Variants in MYO3B observed in about 807,000 individuals in gnomAD.
MYO3B encodes the protein myosin IIIB, also known as myosin-IIIb.
MYO3B carries 156 observed loss-of-function variants against 174.6 expected under a neutral mutation model. The ratio of observed to expected loss-of-function variants is 0.89; its 90% confidence interval spans 0.78 to 1.02. MYO3B has a LOEUF of 1.02. Ranked by LOEUF, MYO3B falls within the 50% of genes least tolerant of loss-of-function variation. The pLI, the probability that MYO3B is intolerant of heterozygous loss-of-function variation, is 0.00. For missense variants in MYO3B, 1,632 were observed against 1,639.4 expected, an observed-to-expected ratio of 1.00 and a Z score of 0.08; for synonymous variants, 563 against 569.1, an observed-to-expected ratio of 0.99 and a Z score of 0.15.
intron 32 of MYO3B, among the ~76,000 whole-genome samples, chr2:170,587,275 C>T (rs966057989): frequency 6.6e-6 from 1 of 152,214 alleles, no homozygotes; most frequent in African/African-American, 2.4e-5. Flanking sequence ...GTTATGCCAG[C>T]AGCAGCCTCA....
chr2:170,597,363 A>G (rs1404975095), intron 32 of MYO3B, among the ~76,000 whole-genome samples: 3 of 145,722 alleles, frequency 2.1e-5, no homozygotes, highest in Non-Finnish European at 4.5e-5. Flanking sequence ...GGGAGACTCC[A>G]TCTCAAAAGA....
At chr2:170,484,750 G>T (rs187887966) in intron 25 of MYO3B, among the ~76,000 whole-genome samples, 1 of 152,292 alleles carries the variant, frequency 6.6e-6, no homozygotes, top group Non-Finnish European at 1.5e-5. Flanking sequence ...TTAGGCAGCA[G>T]ATGGTGGCCA....
At chr2:170,477,467 C>T (rs1216106509) in intron 25 of MYO3B, among the ~76,000 whole-genome samples, 3 of 151,848 alleles carry the variant, frequency 2.0e-5, no homozygotes, top group Admixed American at 6.6e-5. Flanking sequence ...TTTTTTTATC[C>T]CTAGCACTTC....
intron 22 of MYO3B, among the ~76,000 whole-genome samples, chr2:170,420,932 C>G (rs1378082136): frequency 1.3e-5 from 2 of 152,034 alleles, no homozygotes; most frequent in Non-Finnish European, 2.9e-5. Flanking sequence ...AAAACTCAGT[C>G]CTAGCATCAC....
chr2:170,392,863 G>GTTTTTT (rs5836273), intron 16 of MYO3B, among the ~76,000 whole-genome samples: 4 of 150,344 alleles, frequency 2.7e-5, no homozygotes, highest in African/African-American at 2.4e-5. Context: ...AATACTGTGG[G>GTTTTTT]TTTTTTTTCT....
At chr2:170,436,107 C>T (rs2094751528) in intron 22 of MYO3B, among the ~76,000 whole-genome samples, 1 of 152,188 alleles carries the variant, frequency 6.6e-6, no homozygotes, top group Non-Finnish European at 1.5e-5. Context: ...TCTCTTAACA[C>T]AGTTCCCACA....
In MYO3B at chr2:170,287,788, A is replaced by G. The variant is rs542410552; in HGVS notation, c.750-47597A>G. On this transcript the variant is annotated intron_variant, in intron 7 of 34. Coordinates refer to ENST00000408978, the MANE Select transcript of MYO3B (RefSeq NM_138995.5). ...TGCTTATGATGTCTTACATAAAAAA[A>G]AACTTTGCCCAGATTAATGTCCTAG... 2.6e-5 allele frequency among the ~76,000 whole-genome samples: 4 copies of G among 152,148 alleles called. No homozygotes were observed. In the East Asian group the frequency reaches 7.7e-4, roughly 29 times the overall value.
chr2:170,232,134 CT>C (rs773220426), intron 6 of MYO3B, among the ~76,000 whole-genome samples: 7 of 152,182 alleles, frequency 4.6e-5, no homozygotes, highest in Non-Finnish European at 7.3e-5. Flanking sequence ...TCAGAGAGTT[CT>C]TTTTGAGGTC....
At position 170,199,337 on chromosome 2, in the gene MYO3B, A is replaced by G. The variant is rs769182956; in HGVS notation, c.132A>G (p.Val44=). The part of the protein sequence containing the change: ...GKGTYGKVYK[V]TNKRDGSLAA... ...GCACCTATGGCAAAGTCTACAAGGT[A>G]ACTAACAAGAGAGATGGGAGCCTGG... is the stretch of plus-strand genomic sequence containing the variant. Residue 44 remains valine (V), a synonymous_variant, in exon 2 of 35, where the codon GTA becomes GTG. Transcript: ENST00000408978. 8 of 1,613,344 alleles carry G rather than the reference A, an allele frequency of 5.0e-6. No homozygotes were observed. The highest frequency in any genetic ancestry group is 6.8e-6 in the Non-Finnish European group (8 of 1,179,578).
At chr2:170,432,688 T>C (rs1013414300) in intron 22 of MYO3B, among the ~76,000 whole-genome samples, 1 of 151,964 alleles carries the variant, frequency 6.6e-6, no homozygotes, top group Non-Finnish European at 1.5e-5. Flanking sequence ...ACCATTCTCC[T>C]GCGTCAGCCT....
At chr2:170,305,284 A>G (rs558771533) in intron 7 of MYO3B, among the ~76,000 whole-genome samples, 1 of 152,164 alleles carries the variant, frequency 6.6e-6, no homozygotes, top group South Asian at 2.1e-4. Flanking sequence ...ACACATAGAT[A>G]TGCTTCTCTA....
Position 170,186,300 on chromosome 2 carries a change from T to C in MYO3B, c.2+8011T>C, listed in dbSNP as rs192760520. Among the ~76,000 whole-genome samples, 5 of 124,474 alleles carry C rather than the reference T, an allele frequency of 4.0e-5. No individual in the cohort carries two copies. In the East Asian group the frequency reaches 1.4e-3, roughly 34 times the overall value. The allele number at this position is 124,474 out of a possible 152,430, so 81.7% of individuals were successfully genotyped here. ...ATTGTATTGGGGTATGTTCCTTCTA[T>C]ACCCAGTTTTTTTTAGGGTTTTTAT... On this transcript the variant is annotated intron_variant, in intron 1 of 34. Coordinates refer to ENST00000408978, the MANE Select transcript of MYO3B (RefSeq NM_138995.5).
chr2:170,644,985 A>C (rs1698255538), intron 32 of MYO3B, among the ~76,000 whole-genome samples: 1 of 152,204 alleles, frequency 6.6e-6, no homozygotes, highest in African/African-American at 2.4e-5. Flanking sequence ...CTTGAAAAGG[A>C]AAGAGACCTA....
intron 1 of MYO3B, among the ~76,000 whole-genome samples, chr2:170,188,265 A>G (rs937105191): frequency 8.5e-5 from 13 of 152,148 alleles, no homozygotes; most frequent in African/African-American, 2.9e-4. Context: ...ATGTAAGTAT[A>G]GCTACCTCTG....
intron 8 of MYO3B, among the ~76,000 whole-genome samples, chr2:170,346,872 A>C (rs982310998): frequency 1.3e-5 from 2 of 152,212 alleles, no homozygotes; most frequent in Non-Finnish European, 2.9e-5. Flanking sequence ...GGATTCTGAC[A>C]CTGCATCTAG....
chr2:170,559,854 AG>A (rs1326509315), intron 32 of MYO3B, among the ~76,000 whole-genome samples: 4 of 152,042 alleles, frequency 2.6e-5, no homozygotes, highest in Admixed American at 6.6e-5. Flanking sequence ...CTGATATTTA[AG>A]GTTTTTATTA....
chr2:170,627,973 T>C (rs547962221), intron 32 of MYO3B, among the ~76,000 whole-genome samples: 1 of 152,298 alleles, frequency 6.6e-6, no homozygotes, highest in South Asian at 2.1e-4. Flanking sequence ...GGGGGGTGCC[T>C]CCCAGTTAGG....
chr2:170,653,197 A>G lies in MYO3B; in HGVS notation c.*76A>G. Reference sequence around the variant, plus strand: ...TCGACTGTCTGTCATTGCGTAAGAAAGCACTGATATGGGGTCAGCTTCTTT... The same window carrying G: ...TCGACTGTCTGTCATTGCGTAAGAAGGCACTGATATGGGGTCAGCTTCTTT... On this transcript the variant is annotated 3_prime_UTR_variant, in exon 35 of 35. Transcript: ENST00000408978. 6.4e-7 allele frequency: 1 copy of G among 1,568,614 alleles called. No individual in the cohort carries two copies. Among genetic ancestry groups the G allele is most frequent in the East Asian group, 2.2e-5 (1 of 44,656 alleles).
At chr2:170,555,612 C>CT (rs1357492178) in intron 32 of MYO3B, among the ~76,000 whole-genome samples, 1 of 152,072 alleles carries the variant, frequency 6.6e-6, no homozygotes, top group Non-Finnish European at 1.5e-5. Flanking sequence ...TGGTTTACAC[C>CT]TGTAATCCCA....
Sources: gnomAD v4.1 joint callset for allele counts (sites outside exome capture counted in the v4.1 genomes callset) on GRCh38, gnomAD v4.1.1 for gene constraint, MANE v1.5 for transcripts, NCBI Gene and HGNC (gene_info 2026-07-23, HGNC 2026-07-21) for gene names.